The following TECRL variants were observed in gnomAD, a reference collection of about 807,000 sequenced individuals.
The protein encoded by TECRL is trans-2,3-enoyl-CoA reductase like, also known as trans-2,3-enoyl-CoA reductase-like.
TECRL carries 63 observed loss-of-function variants against 52.8 expected under a neutral mutation model. The ratio of observed to expected loss-of-function variants is 1.19; its 90% CI spans 0.97 to 1.47. TECRL has a LOEUF of 1.47. Among genes scored for constraint, TECRL ranks in the 40% most tolerant of loss-of-function variants. The probability of loss-of-function intolerance (pLI) is 0.00; values close to 1 mark genes in which losing one functional copy is unlikely to be tolerated. For missense variants in TECRL, 482 were observed against 429.6 expected (o/e 1.12, Z -1.08); for synonymous variants, 164 against 141.9 (o/e 1.16, Z -1.10).
chr4:64,406,340 A>G (rs866933999), intron 1 of TECRL, among the ~76,000 whole-genome samples: 29 of 152,100 alleles, frequency 1.9e-4, no homozygotes, highest in Middle Eastern at 3.4e-3. Flanking sequence ...AACATACATT[A>G]CTAAGATAAT....
At chr4:64,380,695 G>C (rs566053325) in intron 1 of TECRL, among the ~76,000 whole-genome samples, 8 of 152,102 alleles carry the variant, frequency 5.3e-5, no homozygotes, top group African/African-American at 1.9e-4. Context: ...CATCTTTGAA[G>C]ACAATCAGTT....
intron 2 of TECRL, among the ~76,000 whole-genome samples, chr4:64,352,214 T>C (rs1409063112): frequency 6.6e-6 from 1 of 152,122 alleles, no homozygotes. Context: ...ACACAAAAAA[T>C]TCAAAGTACA....
intron 2 of TECRL, among the ~76,000 whole-genome samples, chr4:64,373,033 A>G (rs1240720089): frequency 6.6e-6 from 1 of 151,718 alleles, no homozygotes; most frequent in Non-Finnish European, 1.5e-5. Context: ...ATTTTTCAGG[A>G]TTAGCAATGT....
At chr4:64,343,557 C>G (rs779937644) in intron 2 of TECRL, among the ~76,000 whole-genome samples, 1 of 151,876 alleles carries the variant, frequency 6.6e-6, no homozygotes, top group South Asian at 2.1e-4. Flanking sequence ...TATTTACTGT[C>G]ACTAAGATAA....
intron 2 of TECRL, among the ~76,000 whole-genome samples, chr4:64,363,586 G>T (rs1721354756): frequency 6.6e-6 from 1 of 152,058 alleles, no homozygotes; most frequent in African/African-American, 2.4e-5. Flanking sequence ...TAGCAACTTA[G>T]AACTTTTTAA....
chr4:64,398,321 C>T (rs967020303), intron 1 of TECRL, among the ~76,000 whole-genome samples: 2 of 152,114 alleles, frequency 1.3e-5, no homozygotes, highest in Admixed American at 6.6e-5. Flanking sequence ...GAAATGGAAT[C>T]TCCAATACTG....
chr4:64,320,495 T>C (rs1419906432), intron 4 of TECRL, among the ~76,000 whole-genome samples: 3 of 152,034 alleles, frequency 2.0e-5, no homozygotes, highest in African/African-American at 7.2e-5. Context: ...ATGGGGTTGA[T>C]GTAGAAATAT....
At chr4:64,326,096 T>G (rs552540074) in intron 3 of TECRL, among the ~76,000 whole-genome samples, 5 of 152,168 alleles carry the variant, frequency 3.3e-5, no homozygotes, top group African/African-American at 1.2e-4. Flanking sequence ...CACAACCTGG[T>G]CTTTGGATAT....
At chr4:64,321,456 G>A (rs1046675337) in intron 4 of TECRL, among the ~76,000 whole-genome samples, 2 of 151,998 alleles carry the variant, frequency 1.3e-5, no homozygotes, top group Admixed American at 6.6e-5. Flanking sequence ...ATATGGAGTG[G>A]AATGTAAATG....
Position 64,281,046 on chromosome 4 carries a change from A to G in TECRL, c.959T>C (p.Leu320Pro). 6.2e-7 allele frequency: 1 copy of G among 1,600,532 alleles called. No homozygotes were observed. Among genetic ancestry groups the G allele is most frequent in the Admixed American group, 1.7e-5 (1 of 59,448 alleles). The change falls in exon 11 of 12, where the codon CTG (leucine) becomes CCG (proline). Residue 320 changes from leucine (L) to proline (P), a missense_variant. Leu to Pro is a moderately conservative substitution (Grantham distance 98). Transcript: ENST00000381210. ...WISFTVMTQT[L>P]PVGIFTLLMS... ...TCAGTATATCTAGGTCTTACCTGGC[A>G]GTGTTTGTGTCATGACTGTGAAACT...
At chr4:64,307,996 G>C (rs530104458) in intron 6 of TECRL, among the ~76,000 whole-genome samples, 4 of 152,092 alleles carry the variant, frequency 2.6e-5, no homozygotes, top group African/African-American at 9.7e-5. Flanking sequence ...ACTAGAATTA[G>C]GACCACATGA....
intron 2 of TECRL, among the ~76,000 whole-genome samples, chr4:64,366,315 G>T (rs949236811): frequency 6.6e-6 from 1 of 152,062 alleles, no homozygotes; most frequent in Non-Finnish European, 1.5e-5. Flanking sequence ...AACTCTGGAA[G>T]ACAAGATAGG....
At chr4:64,319,350 C>T (rs528008122) in intron 4 of TECRL, among the ~76,000 whole-genome samples, 4 of 151,762 alleles carry the variant, frequency 2.6e-5, no homozygotes, top group Non-Finnish European at 5.9e-5. Flanking sequence ...CTACTAAACT[C>T]ATAAGAAAAT....
intron 7 of TECRL, chr4:64,304,762 TAA>T (rs1253121809): frequency 3.3e-5 from 5 of 152,774 alleles, no homozygotes; most frequent in South Asian, 2.1e-4. Context: ...TAGAAACTGA[TAA>T]GTCACAGAAA....
chr4:64,289,819 A>T (rs774907114), intron 8 of TECRL, 52 bp from the exon 9 acceptor site: 19 of 1,163,260 alleles, frequency 1.6e-5, no homozygotes, highest in South Asian at 1.1e-4. Context: ...CCTATTTTTT[A>T]AAAAAACATA....
chr4:64,350,268 C>T (rs11724660), intron 2 of TECRL, among the ~76,000 whole-genome samples: 102,239 of 152,066 alleles, frequency 0.67, 35,500 homozygotes, highest in Non-Finnish European at 0.76. Context: ...CATTTTCATA[C>T]TTTATTTAGC....
intron 4 of TECRL, among the ~76,000 whole-genome samples, chr4:64,319,043 T>A (rs1464189090): frequency 6.6e-6 from 1 of 151,884 alleles, no homozygotes; most frequent in Non-Finnish European, 1.5e-5. Context: ...ATTTATGAAA[T>A]ATTTTTACCT....
chr4:64,370,374 G>T (rs991266691), intron 2 of TECRL, among the ~76,000 whole-genome samples: 8 of 151,762 alleles, frequency 5.3e-5, no homozygotes, highest in Non-Finnish European at 1.2e-4. Flanking sequence ...TAAGAGAGTT[G>T]TTTCTGAGGG....
At chr4:64,385,851 C>A (rs1164378048) in intron 1 of TECRL, among the ~76,000 whole-genome samples, 1 of 152,104 alleles carries the variant, frequency 6.6e-6, no homozygotes. Flanking sequence ...TTAGAGGAGT[C>A]CATGGTGAAA....
Sources: allele counts gnomAD v4.1 joint callset (sites outside exome capture counted in the v4.1 genomes callset), GRCh38; gene constraint gnomAD v4.1.1; transcripts MANE v1.5; gene names NCBI Gene and HGNC (gene_info 2026-07-23, HGNC 2026-07-21).